C4orf51: variants seen among roughly 807,000 people sequenced by gnomAD.
C4orf51 encodes uncharacterized protein C4orf51.
C4orf51 carries 25 observed loss-of-function variants against 25.2 expected under a neutral mutation model. The ratio of observed to expected loss-of-function variants is 0.99; its 90% CI spans 0.72 to 1.39. The LOEUF (loss-of-function observed/expected upper bound fraction) is 1.39. Ranked by LOEUF, C4orf51 falls within the 40% of genes most tolerant of loss-of-function variation. The pLI, the probability that C4orf51 is intolerant of heterozygous loss-of-function variation, is 0.00. For missense variants in C4orf51, 252 were observed against 239.6 expected (o/e 1.05, Z -0.34); for synonymous variants, 100 against 84.5 (o/e 1.18, Z -1.01).
chr4:145,775,427 CT>C (rs879787507), downstream of C4orf51, among the ~76,000 whole-genome samples: 2,060 of 145,320 alleles, frequency 0.014, 44 homozygotes, highest in African/African-American at 0.048. Context: ...ATTTCCTCAG[CT>C]TTTTTTTTTT....
At chr4:145,768,009 A>G (rs1422950191) in intron 1 of C4orf51, among the ~76,000 whole-genome samples, 2 of 152,232 alleles carry the variant, frequency 1.3e-5, no homozygotes, top group African/African-American at 4.8e-5. Context: ...TTAAACAAAA[A>G]TAACTGTTTT....
intron 2 of C4orf51, among the ~76,000 whole-genome samples, chr4:145,724,967 G>T (rs1200297006): frequency 6.6e-6 from 1 of 151,090 alleles, no homozygotes; most frequent in East Asian, 1.9e-4. Flanking sequence ...TCACTCGTAA[G>T]TGGGAGCTAA....
intron 1 of C4orf51, among the ~76,000 whole-genome samples, chr4:145,745,700 C>G (rs1175793126): frequency 5.3e-5 from 8 of 152,156 alleles, no homozygotes; most frequent in African/African-American, 1.9e-4. Context: ...GCTGATACCT[C>G]TTCAATATAC....
intron 1 of C4orf51, among the ~76,000 whole-genome samples, chr4:145,686,631 T>C (rs932277961): frequency 1.3e-5 from 2 of 152,140 alleles, no homozygotes; most frequent in South Asian, 4.1e-4. Context: ...GAGGAGTGTA[T>C]ATTCAAGGAA....
At chr4:145,694,719 A>C (rs1031448270) in intron 1 of C4orf51, among the ~76,000 whole-genome samples, 4 of 137,252 alleles carry the variant, frequency 2.9e-5, no homozygotes. Flanking sequence ...GGCCGCCCCT[A>C]CTGGGAAGTG....
At chr4:145,739,270 G>A (rs760033939) in intron 1 of C4orf51, among the ~76,000 whole-genome samples, 1 of 152,210 alleles carries the variant, frequency 6.6e-6, no homozygotes, top group Non-Finnish European at 1.5e-5. Context: ...GGTCAGAAAA[G>A]ACTGTGCAGT....
intron 1 of C4orf51, among the ~76,000 whole-genome samples, chr4:145,752,899 T>C (rs1484373470): frequency 6.6e-6 from 1 of 152,150 alleles, no homozygotes; most frequent in Non-Finnish European, 1.5e-5. Flanking sequence ...TTCAGCCTAG[T>C]TTTGTTTTCC....
intron 1 of C4orf51, among the ~76,000 whole-genome samples, chr4:145,751,463 C>G (rs181389594): frequency 6.6e-6 from 1 of 152,264 alleles, no homozygotes; most frequent in African/African-American, 2.4e-5. Context: ...ATACTTTTGT[C>G]TTCTTCCCTT....
At chr4:145,735,492 G>T (rs1732757757), downstream of C4orf51, among the ~76,000 whole-genome samples, 1 of 152,156 alleles carries the variant, frequency 6.6e-6, no homozygotes. Flanking sequence ...GGTGGTGGGA[G>T]GGGTTGGAAT....
intron 2 of C4orf51, among the ~76,000 whole-genome samples, chr4:145,705,347 C>G (rs1730735191): frequency 6.6e-6 from 1 of 152,170 alleles, no homozygotes; most frequent in African/African-American, 2.4e-5. Context: ...AGACAGTTAG[C>G]AATCACCTGA....
chr4:145,683,014 T>C (rs1023035525), intron 1 of C4orf51, among the ~76,000 whole-genome samples: 1 of 151,260 alleles, frequency 6.6e-6, no homozygotes, highest in Non-Finnish European at 1.5e-5. Flanking sequence ...TAAAAAAATT[T>C]TAAAAAAAAA....
intron 2 of C4orf51, among the ~76,000 whole-genome samples, chr4:145,697,626 G>C (rs1314806068): frequency 1.5e-5 from 2 of 132,384 alleles, no homozygotes; most frequent in Non-Finnish European, 3.3e-5. Context: ...TCTTTCTGTG[G>C]CTGAGTAATT....
chr4:145,683,372 A>G (rs1345055896), intron 1 of C4orf51, among the ~76,000 whole-genome samples: 1 of 152,182 alleles, frequency 6.6e-6, no homozygotes, highest in African/African-American at 2.4e-5. Context: ...TCAAAATCCA[A>G]CAGGTTAGTT....
In C4orf51 at chr4:145,684,151, A is replaced by T. The variant is rs1255184532; in HGVS notation, c.233+3715A>T. Among the ~76,000 whole-genome samples the T allele has an allele frequency of 3.9e-5, 6 of 152,292 alleles. No individual in the cohort carries two copies. The South Asian group carries it at 1.2e-3, about 32-fold the overall frequency. On this transcript the variant is annotated intron_variant, in intron 1 of 5. Coordinates refer to ENST00000438731, the MANE Select transcript of C4orf51 (RefSeq NM_001080531.3). ...GGCCAAAGACTTTAAAAAATACCTC[A>T]CCAAAGGGATACACAGTTGGCAAAT...
chr4:145,697,173 CG>C (rs1287171845), intron 2 of C4orf51, among the ~76,000 whole-genome samples: 6 of 150,340 alleles, frequency 4.0e-5, no homozygotes, highest in African/African-American at 1.5e-4. Context: ...GATCTTGGCT[CG>C]CTGCAAACTT....
downstream of C4orf51, among the ~76,000 whole-genome samples, chr4:145,756,684 CTTATT>C (rs1320128416): frequency 5.9e-5 from 9 of 152,144 alleles, no homozygotes; most frequent in Admixed American, 1.3e-4. Flanking sequence ...AGAAGTCTGC[CTTATT>C]TTAACATTTT....
chr4:145,787,663 A>T, the C4orf51 span, among the ~76,000 whole-genome samples: 1 of 152,094 alleles, frequency 6.6e-6, no homozygotes, highest in African/African-American at 2.4e-5. Context: ...GGCCCTGGGA[A>T]TATGAAACCT....
chr4:145,773,964 T>C (rs776293145), downstream of C4orf51, among the ~76,000 whole-genome samples: 1 of 152,132 alleles, frequency 6.6e-6, no homozygotes, highest in East Asian at 1.9e-4. Context: ...GAGCAAGCTC[T>C]GGAATGAAAA....
chr4:145,731,563 T>C (rs1732465355), intron 5 of C4orf51, among the ~76,000 whole-genome samples: 1 of 76,842 alleles, frequency 1.3e-5, no homozygotes, highest in African/African-American at 5.1e-5. Context: ...ACAAGGCAAA[T>C]CTTTTTTTTT....
Sources: gnomAD v4.1 joint callset for allele counts (sites outside exome capture counted in the v4.1 genomes callset) on GRCh38, gnomAD v4.1.1 for gene constraint, MANE v1.5 for transcripts, NCBI Gene and HGNC (gene_info 2026-07-23, HGNC 2026-07-21) for gene names.